The following MMP24 variants were observed in gnomAD, a reference collection of about 807,000 sequenced individuals.
MMP24 encodes the protein matrix metalloproteinase-24.
MMP24 carries 25 observed loss-of-function variants against 62.8 expected under a neutral mutation model. The ratio of observed to expected loss-of-function variants is 0.40; its 90% CI spans 0.29 to 0.56. MMP24 has a LOEUF of 0.56. MMP24 is among the 20% of genes least tolerant of loss of function. MMP24 has a pLI of 0.50. For synonymous variants in MMP24, 319 were observed against 350.5 expected (o/e 0.91, Z 1.00); for missense variants, 634 against 853.6 (o/e 0.74, Z 3.21).
At position 35,252,124 on chromosome 20, in the gene MMP24, C is replaced by G. The variant is rs973843616; in HGVS notation, c.512+103C>G. 2.9e-5 allele frequency: 28 copies of G among 958,942 alleles called. No individual in the cohort carries two copies. In the African/African-American group the frequency reaches 3.4e-4, roughly 12 times the overall value. 59.4% of individuals were successfully genotyped at this position (958,942 alleles called of 1,614,324 possible). Reference sequence around the variant, plus strand: ...TCACAATGTAGGGGGGCCTGGGGATCAGGCTTACAACATAGGCCAAGAGCC... The same window carrying G: ...TCACAATGTAGGGGGGCCTGGGGATGAGGCTTACAACATAGGCCAAGAGCC... On this transcript the variant is annotated intron_variant, in intron 3 of 8. Coordinates refer to ENST00000246186, the MANE Select transcript of MMP24 (RefSeq NM_006690.4).
chr20:35,254,795 A>G (rs2146220182), intron 4 of MMP24, 41 bp downstream of exon 4: 2 of 1,548,142 alleles, frequency 1.3e-6, no homozygotes, highest in East Asian at 2.3e-5. Flanking sequence ...TGGGCTGCTC[A>G]GTTGTTGGGA....
chr20:35,241,949 A>G (rs902496205), intron 1 of MMP24, among the ~76,000 whole-genome samples: 3 of 152,180 alleles, frequency 2.0e-5, no homozygotes, highest in Non-Finnish European at 4.4e-5. Context: ...ATTTTTAGAG[A>G]ACCAGTAGAG....
At chr20:35,259,189 AAAAG>A (rs1478548005) in intron 4 of MMP24, among the ~76,000 whole-genome samples, 1 of 152,196 alleles carries the variant, frequency 6.6e-6, no homozygotes, top group Non-Finnish European at 1.5e-5. Context: ...TCAAAAATAA[AAAAG>A]AAAGAAAATA....
Position 35,274,768 on chromosome 20 carries a change from G to A in MMP24, c.*159G>A. The A allele has an allele frequency of 3.0e-6, 2 of 675,726 alleles. No individual in the cohort carries two copies. The highest frequency in any genetic ancestry group is 2.0e-5 in the South Asian group (1 of 51,184). 41.9% of individuals were successfully genotyped at this position (675,726 alleles called of 1,614,324 possible). The stretch of plus-strand genomic sequence containing the variant: ...GGGTGCATTGGCCTAGGCTGAGCGT[G>A]GGGCAGGGAATTATGGGGGCTGTGC... On this transcript the variant is annotated 3_prime_UTR_variant, in exon 9 of 9. Transcript: ENST00000246186. This position sits in a 1 kb window ranked among gnomAD's most constrained non-coding sequence, Gnocchi z 5.1.
intron 1 of MMP24, among the ~76,000 whole-genome samples, chr20:35,231,323 T>C (rs1344946418): frequency 2.6e-5 from 4 of 152,176 alleles, no homozygotes; most frequent in African/African-American, 9.7e-5. Context: ...TTTGAAACTG[T>C]AGTCAAGGAA....
intron 1 of MMP24, among the ~76,000 whole-genome samples, chr20:35,229,548 G>A (rs748317067): frequency 6.6e-6 from 1 of 152,134 alleles, no homozygotes; most frequent in Non-Finnish European, 1.5e-5. Flanking sequence ...TCAATAATTT[G>A]TGCCTAATTA....
intron 1 of MMP24, among the ~76,000 whole-genome samples, chr20:35,231,354 A>T (rs552076699): frequency 1.1e-4 from 17 of 152,124 alleles, no homozygotes; most frequent in Non-Finnish European, 1.5e-4. Flanking sequence ...GAATGATTGG[A>T]GGGGTAAGAG....
At chr20:35,258,507 T>C (rs1173010106) in intron 4 of MMP24, among the ~76,000 whole-genome samples, 1 of 152,148 alleles carries the variant, frequency 6.6e-6, no homozygotes, top group Non-Finnish European at 1.5e-5. Context: ...AGAAACTGGG[T>C]CAGGTGTCCC....
chr20:35,243,832 A>C (rs1053481315), intron 1 of MMP24, among the ~76,000 whole-genome samples: 2 of 152,250 alleles, frequency 1.3e-5, no homozygotes, highest in African/African-American at 4.8e-5. Context: ...CAGAGGAAAA[A>C]ACATGTATTA....
intron 6 of MMP24, among the ~76,000 whole-genome samples, chr20:35,268,230 T>C: frequency 6.6e-6 from 1 of 152,112 alleles, no homozygotes. Context: ...GGGCATCCAG[T>C]GACTGAGGAG....
At chr20:35,265,539 C>T (rs6060332) in intron 5 of MMP24, among the ~76,000 whole-genome samples, 1 of 151,854 alleles carries the variant, frequency 6.6e-6, no homozygotes, top group Non-Finnish European at 1.5e-5. Context: ...AAATAAACTA[C>T]TATTAAATAA....
chr20:35,239,532 G>A (rs1568610494), intron 1 of MMP24, among the ~76,000 whole-genome samples: 2 of 152,090 alleles, frequency 1.3e-5, no homozygotes, highest in African/African-American at 4.8e-5. Context: ...TAGTTCTTTG[G>A]TAAAAGACTA....
chr20:35,227,054 A>C (rs1163872762), intron 1 of MMP24, 70 bp downstream of exon 1: 77 of 966,288 alleles, frequency 8.0e-5, no homozygotes, highest in Non-Finnish European at 8.8e-5. Flanking sequence ...GGCACCGGGG[A>C]CGGGCCTGGG....
chr20:35,248,528 G>A (rs1198834191), intron 2 of MMP24, among the ~76,000 whole-genome samples: 8 of 151,936 alleles, frequency 5.3e-5, no homozygotes, highest in African/African-American at 1.9e-4. Context: ...GGCTGGTCTC[G>A]AACTCCTGAC....
intron 4 of MMP24, among the ~76,000 whole-genome samples, chr20:35,256,862 CCATGAGAAACG>C (rs2060577576): frequency 6.6e-6 from 1 of 152,100 alleles, no homozygotes; most frequent in South Asian, 2.1e-4. Flanking sequence ...TGTTCCATCA[CCATGAGAAACG>C]CTATCTTAAT....
chr20:35,231,919 G>T (rs1462977934), intron 1 of MMP24, among the ~76,000 whole-genome samples: 1 of 152,154 alleles, frequency 6.6e-6, no homozygotes, highest in Non-Finnish European at 1.5e-5. Context: ...GAGCCTGGTG[G>T]TGCATGCCTG....
intron 4 of MMP24, among the ~76,000 whole-genome samples, chr20:35,259,114 G>T (rs190526506): frequency 9.5e-4 from 144 of 152,330 alleles, no homozygotes; most frequent in Middle Eastern, 3.4e-3. Flanking sequence ...CCGGGAGGCG[G>T]AGGTTCAAGT....
rs967633668 is a variant in MMP24, at chr20:35,272,201, G to A, written c.1600+366G>A. On this transcript the variant is annotated intron_variant, in intron 8 of 8. Coordinates refer to ENST00000246186, the MANE Select transcript of MMP24 (RefSeq NM_006690.4). ...AAAGCCACTTTTTCACAGGGCTCGAGGGCAAGAAGATGGAAAGAAAACCTT... is the reference window on the plus strand; with the variant it reads ...AAAGCCACTTTTTCACAGGGCTCGAAGGCAAGAAGATGGAAAGAAAACCTT... 4.0e-5 allele frequency: 17 copies of A among 425,588 alleles called. No homozygotes were observed. In the Admixed American group the frequency reaches 4.6e-4, roughly 12 times the overall value. The allele number at this position is 425,588 out of a possible 1,614,324, so 26.4% of individuals were successfully genotyped here.
In MMP24 at chr20:35,271,762, C is replaced by T. The variant is rs1413605094; in HGVS notation, c.1527C>T (p.Gly509=). ...AGGAGCGGCGGGCCACGGACCCTGG[C>T]TACCCTAAGCCCATCACCGTGTGGA... ...YSEERRATDP[G]YPKPITVWKG... is the part of the protein sequence containing the mutation. Residue 509 remains glycine (G), a synonymous_variant, in exon 8 of 9, where the codon GGC becomes GGT. Coordinates refer to ENST00000246186, the MANE Select transcript of MMP24 (RefSeq NM_006690.4). This position sits in a 1 kb window ranked among gnomAD's most constrained non-coding sequence, Gnocchi z 4.0. 6.3e-7 allele frequency: 1 copy of T among 1,599,918 alleles called. No individual in the cohort carries two copies. The highest frequency in any genetic ancestry group is 1.7e-5 in the Admixed American group (1 of 57,660).
Sources: gnomAD v4.1 joint callset for allele counts (sites outside exome capture counted in the v4.1 genomes callset) on GRCh38, gnomAD v4.1.1 for gene constraint, Gnocchi (gnomAD v3.1) non-coding constraint, MANE v1.5 for transcripts, NCBI Gene and HGNC (gene_info 2026-07-23, HGNC 2026-07-21) for gene names.